Variants in PHKB observed in about 807,000 individuals in gnomAD.
PHKB encodes the protein phosphorylase b kinase regulatory subunit beta.
In PHKB, 122 loss-of-function variants were observed where a neutral mutation model predicts 152.1. The observed-to-expected ratio is 0.80, with a 90% confidence interval of 0.69 to 0.93. The LOEUF is 0.93. Ranked by LOEUF, PHKB falls within the 40% of genes least tolerant of loss-of-function variation. PHKB has a pLI of 0.00. For missense variants in PHKB, 1,304 were observed against 1,328.4 expected, an observed-to-expected ratio of 0.98 and a Z score of 0.29; for synonymous variants, 436 against 464.9, an observed-to-expected ratio of 0.94 and a Z score of 0.80.
At chr16:47,623,647 G>A (rs974616545) in intron 14 of PHKB, among the ~76,000 whole-genome samples, 8 of 148,262 alleles carry the variant, frequency 5.4e-5, no homozygotes, top group African/African-American at 2.0e-4. Context: ...TCTGCCTCCC[G>A]GGTTCATGTG....
At chr16:47,632,787 G>A (rs915359189) in intron 14 of PHKB, among the ~76,000 whole-genome samples, 3 of 150,788 alleles carry the variant, frequency 2.0e-5, no homozygotes, top group African/African-American at 5.0e-5. Context: ...TTTGAAAGTT[G>A]TATTACACTG....
chr16:47,670,553 G>A (rs922321993), intron 26 of PHKB, among the ~76,000 whole-genome samples: 5 of 152,176 alleles, frequency 3.3e-5, no homozygotes, highest in Non-Finnish European at 5.9e-5. Context: ...GCAGTGGTGC[G>A]ATCTCAGCTC....
intron 26 of PHKB, among the ~76,000 whole-genome samples, chr16:47,669,802 A>G (rs1973607554): frequency 6.6e-6 from 1 of 152,234 alleles, no homozygotes; most frequent in Non-Finnish European, 1.5e-5. Context: ...CATCCAGATA[A>G]AAATTTGGTC....
intron 26 of PHKB, among the ~76,000 whole-genome samples, chr16:47,681,194 G>C (rs1248907622): frequency 6.6e-6 from 1 of 152,102 alleles, no homozygotes; most frequent in Non-Finnish European, 1.5e-5. Flanking sequence ...TTCCAACTAT[G>C]TAGTCAGTTT....
intron 6 of PHKB, among the ~76,000 whole-genome samples, chr16:47,528,696 C>CTTTT (rs11450311): frequency 1.1e-4 from 15 of 137,384 alleles, no homozygotes; most frequent in Non-Finnish European, 1.1e-4. Flanking sequence ...AGGACTTTTT[C>CTTTT]TTTTTTTTTT....
At chr16:47,508,846 C>T (rs1432878051) in intron 4 of PHKB, among the ~76,000 whole-genome samples, 1 of 152,166 alleles carries the variant, frequency 6.6e-6, no homozygotes, top group Admixed American at 6.5e-5. Context: ...CATTAATCTT[C>T]AAAGCTTATA....
chr16:47,613,348 T>G (rs551400192), intron 14 of PHKB, among the ~76,000 whole-genome samples: 2 of 152,306 alleles, frequency 1.3e-5, no homozygotes, highest in African/African-American at 4.8e-5. Context: ...TGAGGATATG[T>G]CAACACATGC....
chr16:47,623,778 G>A (rs1231286803), intron 14 of PHKB, among the ~76,000 whole-genome samples: 2 of 151,866 alleles, frequency 1.3e-5, no homozygotes, highest in Non-Finnish European at 2.9e-5. Context: ...GGTTGGTCTC[G>A]AACTCCTGAT....
chr16:47,614,135 T>C (rs1376134126), intron 14 of PHKB, among the ~76,000 whole-genome samples: 5 of 152,174 alleles, frequency 3.3e-5, no homozygotes, highest in Admixed American at 6.5e-5. Flanking sequence ...GTTTTCCTCA[T>C]GGAGGAAGGC....
intron 29 of PHKB, 43 bp downstream of exon 29, chr16:47,696,531 T>C: frequency 9.3e-7 from 1 of 1,078,420 alleles, no homozygotes; most frequent in Non-Finnish European, 1.4e-6. Context: ...ATGCCTTCTC[T>C]CTGCTCCGTG....
At chr16:47,497,227 T>C (rs1970246633) in intron 1 of PHKB, among the ~76,000 whole-genome samples, 172 bp from the exon 2 acceptor site, 1 of 152,182 alleles carries the variant, frequency 6.6e-6, no homozygotes, top group Admixed American at 6.5e-5. Context: ...CAAAGGTACT[T>C]TATTCCCCCT....
chr16:47,687,375 T>G (rs1973983299), intron 26 of PHKB, among the ~76,000 whole-genome samples: 1 of 152,234 alleles, frequency 6.6e-6, no homozygotes, highest in African/African-American at 2.4e-5. Context: ...GTTACTTTTA[T>G]GCTTGTGTAA....
intron 26 of PHKB, chr16:47,676,169 A>G (rs887968253): frequency 6.6e-6 from 1 of 152,168 alleles, no homozygotes; most frequent in Non-Finnish European, 1.5e-5. Flanking sequence ...TTCATTTATA[A>G]AGTCTTTGAA....
chr16:47,487,731 T>G (rs1970073664), intron 1 of PHKB, among the ~76,000 whole-genome samples: 1 of 152,242 alleles, frequency 6.6e-6, no homozygotes, highest in Non-Finnish European at 1.5e-5. Context: ...TTGCTTAGAA[T>G]AACAGCCTCC....
chr16:47,518,484 T>A (rs1015456208), intron 6 of PHKB, among the ~76,000 whole-genome samples: 2 of 152,194 alleles, frequency 1.3e-5, no homozygotes, highest in Non-Finnish European at 2.9e-5. Flanking sequence ...GTGAACCTAC[T>A]GAGTGGCCAT....
At chr16:47,515,456 T>G in intron 5 of PHKB, 65 bp from the exon 6 acceptor site, 1 of 792,476 alleles carries the variant, frequency 1.3e-6, no homozygotes, top group African/African-American at 1.7e-5. Context: ...TTAGCCTTAA[T>G]TGATTAATTT....
chr16:47,670,728 G>C (rs1361786293), intron 26 of PHKB, among the ~76,000 whole-genome samples: 1 of 152,088 alleles, frequency 6.6e-6, no homozygotes, highest in Non-Finnish European at 1.5e-5. Flanking sequence ...TACCTTTAGT[G>C]ATCTGCCTGC....
intron 2 of PHKB, among the ~76,000 whole-genome samples, chr16:47,499,082 CTT>C (rs1388725246): frequency 2.0e-5 from 3 of 152,208 alleles, no homozygotes; most frequent in Non-Finnish European, 2.9e-5. Flanking sequence ...TAATTTCAGA[CTT>C]AAGTAAAATG....
At chr16:47,642,037 G>A (rs749129014) in intron 16 of PHKB, among the ~76,000 whole-genome samples, 4 of 151,490 alleles carry the variant, frequency 2.6e-5, no homozygotes, top group Admixed American at 2.0e-4. Flanking sequence ...ATTTTGATTT[G>A]ATTTTTTTCC....
Sources: gnomAD v4.1 joint callset for allele counts (sites outside exome capture counted in the v4.1 genomes callset) on GRCh38, gnomAD v4.1.1 for gene constraint, MANE v1.5 for transcripts, NCBI Gene and HGNC (gene_info 2026-07-23, HGNC 2026-07-21) for gene names.